The following SF3A3 variants were observed in gnomAD, a reference collection of about 807,000 sequenced individuals.
The protein encoded by SF3A3 is splicing factor 3a subunit 3, also known as SAP 61.
In SF3A3, 9 loss-of-function variants were observed where a neutral mutation model predicts 85.8. The ratio of observed to expected loss-of-function variants is 0.10; its 90% CI spans 0.06 to 0.18. The LOEUF is 0.18. Among genes scored for constraint, SF3A3 ranks in the 10% least tolerant of loss-of-function variants. SF3A3 has a pLI of 1.00. For missense variants in SF3A3, 306 were observed against 593.3 expected, an observed-to-expected ratio of 0.52 and a Z score of 5.03; for synonymous variants, 195 against 204.4, an observed-to-expected ratio of 0.95 and a Z score of 0.39.
At chr1:37,967,472 G>A (rs1646309822) in intron 15 of SF3A3, among the ~76,000 whole-genome samples, 1 of 151,692 alleles carries the variant, frequency 6.6e-6, no homozygotes, top group South Asian at 2.1e-4. Context: ...GAGGTCAGGA[G>A]ATCAAGACCA....
At chr1:37,976,039 C>T (rs548147632) in intron 12 of SF3A3, among the ~76,000 whole-genome samples, 1 of 152,124 alleles carries the variant, frequency 6.6e-6, no homozygotes, top group South Asian at 2.1e-4. Context: ...GCCTGTAGTC[C>T]CAGCTAGTCA....
At chr1:37,960,023 C>T (rs531103362) in intron 16 of SF3A3, 97 bp downstream of exon 16, 3 of 850,180 alleles carry the variant, frequency 3.5e-6, no homozygotes, top group East Asian at 2.5e-5. Flanking sequence ...CTCGCTGCTG[C>T]AGTACACCAG....
At chr1:37,976,125 C>T (rs1212801076) in intron 12 of SF3A3, among the ~76,000 whole-genome samples, 1 of 149,280 alleles carries the variant, frequency 6.7e-6, no homozygotes, top group Non-Finnish European at 1.5e-5. Context: ...CACTGTACTC[C>T]AGCCTGGGTG....
rs1287475932 is a variant in SF3A3 at position 37,976,887 on chromosome 1, G to A, written c.1002C>T (p.Leu334=). ...CTTTCAGCAGTCAGTCACTTACCCC[G>A]AGAATCTCTACATATTCATAGATCT... ...EAQIYEYVEI[L]GEQRHLTHEN... The change falls in exon 12 of 17, where the codon CTC becomes CTT. Residue 334 remains leucine, a synonymous_variant. Transcript: ENST00000373019. 9 of 1,585,274 alleles carry A rather than the reference G, an allele frequency of 5.7e-6. No homozygotes were observed. The highest frequency in any genetic ancestry group is 2.2e-5 in the South Asian group (2 of 90,424).
At chr1:37,981,139 G>A (rs960239303) in intron 7 of SF3A3, among the ~76,000 whole-genome samples, 16 of 152,130 alleles carry the variant, frequency 1.1e-4, no homozygotes, top group South Asian at 8.3e-4. Context: ...GTGAGCCACC[G>A]CGCCCGGCCA....
intron 4 of SF3A3, 143 bp downstream of exon 4, chr1:37,987,430 G>T: frequency 1.5e-6 from 1 of 657,552 alleles, no homozygotes; most frequent in Non-Finnish European, 2.7e-6. Flanking sequence ...ATTGTAGGAT[G>T]TCAGCTAACT....
chr1:37,984,573 A>G, intron 5 of SF3A3, 134 bp downstream of exon 5: 2 of 709,992 alleles, frequency 2.8e-6, no homozygotes. Flanking sequence ...ATGTCACTCT[A>G]GCCCAGAAAC....
In SF3A3 at chr1:37,989,325, C is replaced by T. The variant is rs1419932648; in HGVS notation, c.144+223G>A. ...AGAAGAAGAAGAAAAAAAAAAAGGG[C>T]ACCTTTCTGATTAATGAAGAATGCC... On this transcript the variant is annotated intron_variant, in intron 2 of 16. Transcript: ENST00000373019. 2.6e-5 allele frequency among the ~76,000 whole-genome samples: 4 copies of T among 151,738 alleles called. No homozygotes were observed. The East Asian group carries it at 7.7e-4, about 29-fold the overall frequency.
At chr1:37,964,554 G>C (rs1242190023) in intron 15 of SF3A3, among the ~76,000 whole-genome samples, 1 of 152,172 alleles carries the variant, frequency 6.6e-6, no homozygotes, top group Non-Finnish European at 1.5e-5. Flanking sequence ...ATTGCAGTGA[G>C]CTGAGATCAC....
At position 37,960,192 on chromosome 1, in the gene SF3A3, G is replaced by A. The variant is rs774716299; in HGVS notation, c.1373-17C>T. ...TGGCCCACACTGCAGGATGAGAAAT[G>A]AACAGCAATCAGGATGGACTGAACA... On this transcript the variant is annotated splice_polypyrimidine_tract_variant and intron_variant, in intron 15 of 16. Transcript: ENST00000373019. 1.9e-6 allele frequency: 3 copies of A among 1,612,948 alleles called. No homozygotes were observed. The highest frequency in any genetic ancestry group is 4.5e-5 in the East Asian group (2 of 44,870).
intron 15 of SF3A3, among the ~76,000 whole-genome samples, chr1:37,962,781 A>T (rs1311714983): frequency 0.012 from 30 of 2,404 alleles, no homozygotes; most frequent in Admixed American, 0.042. Flanking sequence ...CCTCTAAGTT[A>T]AAAAAAAAAA....
intron 7 of SF3A3, 168 bp from the exon 8 acceptor site, chr1:37,980,892 C>G (rs1463532026): frequency 9.5e-6 from 4 of 419,358 alleles, no homozygotes; most frequent in Non-Finnish European, 1.5e-5. Flanking sequence ...TCCTCTTACC[C>G]AGGCTGGAGT....
rs773578154 is a variant in SF3A3 at position 37,989,992 on chromosome 1, C to A, written c.-27G>T. ...TTCCCTTAGTCGCGGCTTCTCAATT[C>A]AGACCACCAACACGGCCGGAAGCAA... On this transcript the variant is annotated 5_prime_UTR_variant, in exon 1 of 17. Coordinates refer to ENST00000373019, the MANE Select transcript of SF3A3 (RefSeq NM_006802.4). 1.3e-6 allele frequency: 2 copies of A among 1,561,538 alleles called. No homozygotes were observed. The highest frequency in any genetic ancestry group is 1.4e-5 in the African/African-American group (1 of 74,040).
intron 6 of SF3A3, among the ~76,000 whole-genome samples, chr1:37,982,495 T>C (rs6667846): frequency 0.91 from 137,765 of 151,768 alleles, 62,674 homozygotes; most frequent in East Asian, 1. Flanking sequence ...CTCAGCCTCC[T>C]GAGTAATTGG....
chr1:37,976,567 T>G (rs2148720816), intron 12 of SF3A3, among the ~76,000 whole-genome samples: 1 of 152,288 alleles, frequency 6.6e-6, no homozygotes, highest in African/African-American at 2.4e-5. Context: ...CCTTTGAGTG[T>G]CTGCTTTGTG....
intron 7 of SF3A3, 123 bp from the exon 8 acceptor site, chr1:37,980,847 T>A: frequency 1.7e-6 from 1 of 601,086 alleles, no homozygotes; most frequent in East Asian, 3.9e-5. Flanking sequence ...TACTCTTTTT[T>A]TTTTTTTTTT....
In SF3A3 at chr1:37,983,586, C is replaced by CAAAAAAAGAAAAAAA. The variant is rs1646435244; in HGVS notation, c.468+582_468+583insTTTTTTTCTTTTTTT. On this transcript the variant is annotated intron_variant, in intron 6 of 16. Transcript: ENST00000373019. ...TGGGTGACAAAGTGAGACCCTGTCT[C>CAAAAAAAGAAAAAAA]AAAAAAAAAAAAAAAAAAAAAAGAT... Among the ~76,000 whole-genome samples, 2 of 38,490 alleles carry CAAAAAAAGAAAAAAA rather than the reference C, an allele frequency of 5.2e-5. 1 individual carries two copies. The highest frequency in any genetic ancestry group is 7.7e-5 in the Non-Finnish European group (2 of 25,844). 25.3% of individuals were successfully genotyped at this position (38,490 alleles called of 152,430 possible).
chr1:37,956,988 T>A lies in SF3A3; in HGVS notation c.*1198A>T, dbSNP rs1413421269. The A allele has an allele frequency of 6.6e-6, 1 of 152,110 alleles. No individual in the cohort carries two copies. Among genetic ancestry groups the A allele is most frequent in the African/African-American group, 2.4e-5 (1 of 41,378 alleles). The allele number at this position is 152,110 out of a possible 1,614,324, so 9.4% of individuals were successfully genotyped here. The stretch of plus-strand genomic sequence containing the variant: ...AAAAGATTAACATTTTTTTAAAAAG[T>A]AGATTTATTAAAAAACAGTTGAAGG... On this transcript the variant is annotated 3_prime_UTR_variant, in exon 17 of 17. Transcript: ENST00000373019.
At chr1:37,982,570 G>C (rs1313756090) in intron 6 of SF3A3, among the ~76,000 whole-genome samples, 1 of 151,898 alleles carries the variant, frequency 6.6e-6, no homozygotes, top group Non-Finnish European at 1.5e-5. Flanking sequence ...CAGGGTTTCT[G>C]CATGTTGGTC....
Sources: allele counts gnomAD v4.1 joint callset (sites outside exome capture counted in the v4.1 genomes callset), GRCh38; gene constraint gnomAD v4.1.1; transcripts MANE v1.5; gene names NCBI Gene and HGNC (gene_info 2026-07-23, HGNC 2026-07-21).